Variants in NELFB observed in about 807,000 individuals in gnomAD.
The protein encoded by NELFB is negative elongation factor B.
A neutral mutation model predicts 60.2 loss-of-function variants in NELFB; 34 were observed. The ratio of observed to expected loss-of-function variants is 0.56; its 90% CI spans 0.43 to 0.75. NELFB has a LOEUF of 0.75. NELFB is among the 30% of genes least tolerant of loss of function. NELFB has a pLI of 0.00. For missense variants in NELFB, 770 were observed against 831.6 expected (o/e 0.93, Z 0.91); for synonymous variants, 459 against 382.1 (o/e 1.20, Z -2.35).
intron 4 of NELFB, among the ~76,000 whole-genome samples, chr9:137,259,186 C>T (rs966024955): frequency 6.6e-6 from 1 of 151,096 alleles, no homozygotes; most frequent in African/African-American, 2.4e-5. Context: ...GTGAGAGATC[C>T]TGTCTCAAAA....
chr9:137,256,583 A>G (rs1275310062), intron 3 of NELFB, among the ~76,000 whole-genome samples, 155 bp downstream of exon 3: 1 of 152,180 alleles, frequency 6.6e-6, no homozygotes, highest in Non-Finnish European at 1.5e-5. Context: ...CTTCTCCCAC[A>G]TGAGCCGCGT....
At position 137,263,149 on chromosome 9, in the gene NELFB, T is replaced by C. The variant is rs926641718; in HGVS notation, c.854T>C (p.Leu285Pro). 1.2e-6 allele frequency: 2 copies of C among 1,613,966 alleles called. No homozygotes were observed. The highest frequency in any genetic ancestry group is 1.3e-5 in the African/African-American group (1 of 74,918). Residue 285 changes from leucine to proline, a missense_variant, in exon 5 of 13, where the codon CTG (leucine) becomes CCG (proline). Transcript: ENST00000343053. ...ACGCGGAATGTGCACTACTGCACGC[T>C]GCGGGCTGAGCTGCTCATGTCCCTG...
intron 2 of NELFB, 81 bp downstream of exon 2, chr9:137,256,151 CT>C: frequency 6.7e-7 from 1 of 1,489,806 alleles, no homozygotes; most frequent in Non-Finnish European, 9.3e-7. Context: ...ATTTATTGTC[CT>C]TTTGGCTCCA....
intron 10 of NELFB, among the ~76,000 whole-genome samples, chr9:137,267,559 C>T (rs866448737): frequency 4.0e-5 from 6 of 151,288 alleles, no homozygotes; most frequent in South Asian, 2.1e-4. Context: ...GTGGTGCAAC[C>T]TCAGCTCACT....
At chr9:137,257,504 CT>C (rs56957141) in intron 4 of NELFB, among the ~76,000 whole-genome samples, 78,798 of 121,094 alleles carry the variant, frequency 0.65, 25,227 homozygotes, top group Admixed American at 0.74. Flanking sequence ...TTTTCTTTTT[CT>C]TTTTTTTTTT....
rs1554791011 is a variant in NELFB at position 137,260,405 on chromosome 9, A to AT, written c.742-2629dup. Reference sequence around the variant, plus strand: ...AAATTTATTTTTTAAAATTTTTTTTATTTATTTTATTTTAATTTTATATTT... The same window carrying AT: ...AAATTTATTTTTTAAAATTTTTTTTATTTTATTTTATTTTAATTTTATATTT... On this transcript the variant is annotated intron_variant, in intron 4 of 12. Transcript: ENST00000343053. Among the ~76,000 whole-genome samples the AT allele has an allele frequency of 4.4e-3, 617 of 141,774 alleles. 2 individuals carry two copies. Among genetic ancestry groups the AT allele is most frequent in the East Asian group, 0.017 (84 of 4,904 alleles). 93.0% of individuals were successfully genotyped at this position (141,774 alleles called of 152,430 possible).
rs756200034 is a variant in NELFB, at chr9:137,256,255, T to C, written c.411-74T>C. On this transcript the variant is annotated intron_variant, in intron 2 of 12. Transcript: ENST00000343053. ...TGGAGGCTTGTCCTGGTAGCTGTTA[T>C]CTGTGTAGGGACAGGCAGGTAGCTG... 8.0e-5 allele frequency: 117 copies of C among 1,466,492 alleles called. 1 individual carries two copies. The highest frequency in any genetic ancestry group is 6.2e-4 in the Admixed American group (37 of 59,330). 90.8% of individuals were successfully genotyped at this position (1,466,492 alleles called of 1,614,324 possible). A position where few individuals can be genotyped will look rare whatever the true frequency, so the allele number is the denominator to read the frequency against.
chr9:137,260,457 A>G (rs1168942340), intron 4 of NELFB, among the ~76,000 whole-genome samples: 1 of 126,622 alleles, frequency 7.9e-6, no homozygotes, highest in South Asian at 2.5e-4. Flanking sequence ...AGTTTGTTTT[A>G]TTTTTTTTTT....
intron 5 of NELFB, 76 bp from the exon 6 acceptor site, chr9:137,264,169 G>C (rs1335815018): frequency 8.9e-7 from 1 of 1,120,294 alleles, no homozygotes; most frequent in Non-Finnish European, 1.3e-6. Flanking sequence ...CCAGGGCCTG[G>C]AGCTGTGTTT....
In NELFB at chr9:137,257,072, G is replaced by T; in HGVS notation, c.741+18G>T. On this transcript the variant is annotated intron_variant, in intron 4 of 12. Transcript: ENST00000343053. The stretch of plus-strand genomic sequence containing the variant: ...AGGGCGAGGTGAGGGGACAGGCCGT[G>T]TGCGGGGTGGGGCACCTCTTGGGGA... 1.2e-6 allele frequency: 2 copies of T among 1,602,304 alleles called. No individual in the cohort carries two copies. The highest frequency in any genetic ancestry group is 1.1e-5 in the South Asian group (1 of 90,878).
In NELFB at chr9:137,255,445, C is replaced by T. The variant is rs922232593; in HGVS notation, c.80C>T (p.Ala27Val). The change falls in exon 1 of 13, where the codon GCG (alanine) becomes GTG (valine). Residue 27 changes from alanine (A) to valine (V), a missense_variant. Transcript: ENST00000343053. ...GCGGAGCGGGCTTCTGGGGTGTCTG[C>T]GGCGGCGCCGGGGGAACGGGCTGGG... The T allele has an allele frequency of 2.9e-6, 4 of 1,401,228 alleles. No homozygotes were observed. The highest frequency in any genetic ancestry group is 3.8e-6 in the Non-Finnish European group (4 of 1,059,062). 86.8% of individuals were successfully genotyped at this position (1,401,228 alleles called of 1,614,324 possible).
chr9:137,266,860 G>A (rs1830523517), intron 8 of NELFB, 84 bp from the exon 9 acceptor site: 2 of 1,512,530 alleles, frequency 1.3e-6, no homozygotes, highest in Admixed American at 3.6e-5. Flanking sequence ...GAGTGGGAGG[G>A]CCAGGGGCAG....
chr9:137,271,356 G>C (rs921170026), intron 10 of NELFB, among the ~76,000 whole-genome samples: 1 of 152,254 alleles, frequency 6.6e-6, no homozygotes, highest in Non-Finnish European at 1.5e-5. Flanking sequence ...TACTAGGAAG[G>C]CCATCCTCAA....
intron 4 of NELFB, among the ~76,000 whole-genome samples, chr9:137,258,640 A>C (rs1049891248): frequency 6.6e-6 from 1 of 151,678 alleles, no homozygotes; most frequent in African/African-American, 2.4e-5. Flanking sequence ...TGTTTAGTAC[A>C]GACAGGGTTT....
intron 11 of NELFB, 68 bp downstream of exon 11, chr9:137,272,290 T>G: frequency 2.5e-6 from 4 of 1,588,654 alleles, no homozygotes; most frequent in Non-Finnish European, 3.4e-6. Context: ...GCCTGAGAGG[T>G]GGCTGCTGTC....
At position 137,264,378 on chromosome 9, in the gene NELFB, G is replaced by T. The variant is rs1309770976; in HGVS notation, c.1040+21G>T. 3 of 1,544,210 alleles carry T rather than the reference G, an allele frequency of 1.9e-6. No homozygotes were observed. The South Asian group carries it at 3.5e-5, about 18-fold the overall frequency. On this transcript the variant is annotated intron_variant, in intron 6 of 12. Transcript: ENST00000343053. ...CTGGGGTGAGGGTCGGCTCCACGAG[G>T]CCTCTGCCCCTCAGGGCCCTGCGTG...
intron 4 of NELFB, among the ~76,000 whole-genome samples, chr9:137,262,340 C>T (rs1038211824): frequency 4.6e-5 from 7 of 152,192 alleles, no homozygotes; most frequent in Admixed American, 1.3e-4. Flanking sequence ...CGCCTGGCAA[C>T]GGGCGTCTTC....
intron 2 of NELFB, 91 bp downstream of exon 2, chr9:137,256,161 C>A (rs1404447151): frequency 2.7e-6 from 4 of 1,455,278 alleles, no homozygotes; most frequent in African/African-American, 1.4e-5. Context: ...CTTTTGGCTC[C>A]ACATCCTTGC....
intron 4 of NELFB, among the ~76,000 whole-genome samples, chr9:137,260,603 C>T (rs2118977426): frequency 6.6e-6 from 1 of 151,458 alleles, no homozygotes; most frequent in Non-Finnish European, 1.5e-5. Context: ...CAGGCACCCA[C>T]CACCACGCCC....
Sources: allele counts gnomAD v4.1 joint callset (sites outside exome capture counted in the v4.1 genomes callset), GRCh38; gene constraint gnomAD v4.1.1; transcripts MANE v1.5; gene names NCBI Gene and HGNC (gene_info 2026-07-23, HGNC 2026-07-21).